ALG5: variants seen among roughly 807,000 people sequenced by gnomAD.
ALG5 encodes the protein ALG5 dolichyl-phosphate beta-glucosyltransferase.
In ALG5, 26 loss-of-function variants were observed where a neutral mutation model predicts 51.8. The observed-to-expected ratio is 0.50, with a 90% CI of 0.37 to 0.70. ALG5 has a LOEUF of 0.70. Among genes scored for constraint, ALG5 ranks in the 30% least tolerant of loss-of-function variants. The probability of loss-of-function intolerance (pLI) is 0.00; values close to 1 mark genes in which losing one functional copy is unlikely to be tolerated. For synonymous variants in ALG5, 141 were observed against 136.1 expected (o/e 1.04, Z -0.25); for missense variants, 311 against 399.3 (o/e 0.78, Z 1.88).
chr13:36,952,617 T>C lies in ALG5; in HGVS notation c.774-18A>G, dbSNP rs754980247. The C allele has an allele frequency of 2.0e-5, 29 of 1,434,726 alleles. No individual in the cohort carries two copies. The highest frequency in any genetic ancestry group is 2.6e-5 in the Non-Finnish European group (28 of 1,061,236). The allele number at this position is 1,434,726 out of a possible 1,614,324, so 88.9% of individuals were successfully genotyped here. On this transcript the variant is annotated intron_variant, in intron 8 of 9. Coordinates refer to ENST00000239891, the MANE Select transcript of ALG5 (RefSeq NM_013338.5). ...CAAATGCCCTAAAATAGAAAATATA[T>C]TGATATTTATTTTTAAAGACAAATA...
chr13:36,972,287 A>G (rs1268042667), intron 6 of ALG5, among the ~76,000 whole-genome samples: 2 of 152,214 alleles, frequency 1.3e-5, no homozygotes, highest in Non-Finnish European at 2.9e-5. Flanking sequence ...TCGTAACTTT[A>G]AATGATATTT....
chr13:36,987,752 C>T (rs2059008480), intron 5 of ALG5, among the ~76,000 whole-genome samples: 1 of 152,102 alleles, frequency 6.6e-6, no homozygotes, highest in Non-Finnish European at 1.5e-5. Context: ...GATCCCAGAC[C>T]CAATGCTATG....
intron 5 of ALG5, 62 bp downstream of exon 5, chr13:36,989,422 G>T: frequency 7.7e-7 from 1 of 1,299,910 alleles, no homozygotes; most frequent in Non-Finnish European, 1.1e-6. Flanking sequence ...ATACAAGTCT[G>T]CAAAAGACAT....
intron 8 of ALG5, among the ~76,000 whole-genome samples, chr13:36,955,686 GAAAAAAAAAAAA>G (rs35130767): frequency 5.5e-5 from 2 of 36,478 alleles, no homozygotes; most frequent in Non-Finnish European, 1.4e-4. Context: ...CAGAGATTGT[GAAAAAAAAAAAA>G]AAAAAAAAAA....
intron 7 of ALG5, among the ~76,000 whole-genome samples, chr13:36,966,002 C>G (rs1433530332): frequency 2.0e-5 from 3 of 152,296 alleles, no homozygotes; most frequent in East Asian, 3.9e-4. Flanking sequence ...CCAGGAGAAA[C>G]AGGTTTGGGG....
intron 8 of ALG5, among the ~76,000 whole-genome samples, chr13:36,962,638 G>A (rs904534467): frequency 6.6e-6 from 1 of 152,076 alleles, no homozygotes; most frequent in Non-Finnish European, 1.5e-5. Context: ...GCCACTAAGT[G>A]AGGTCAATCT....
rs150922330 is a variant in ALG5, at chr13:36,988,796, G to A, written c.447+688C>T. On this transcript the variant is annotated intron_variant, in intron 5 of 9. Coordinates refer to ENST00000239891, the MANE Select transcript of ALG5 (RefSeq NM_013338.5). ...GTGCATGAGGAAGAAGGAGTGAAAC[G>A]GCAGAAGCCTGGACTTCTGATGACT... Among the ~76,000 whole-genome samples the A allele has an allele frequency of 3.9e-5, 6 of 152,286 alleles. 1 individual carries two copies. The highest frequency in any genetic ancestry group is 1.4e-4 in the African/African-American group (6 of 41,554).
At chr13:36,976,447 A>G (rs1033587423) in intron 6 of ALG5, among the ~76,000 whole-genome samples, 2 of 147,848 alleles carry the variant, frequency 1.4e-5, no homozygotes, top group African/African-American at 5.0e-5. Flanking sequence ...AAAAAAAAAA[A>G]AAAGAAAAGA....
chr13:36,960,914 G>A (rs1480053630), intron 8 of ALG5, among the ~76,000 whole-genome samples: 1 of 151,758 alleles, frequency 6.6e-6, no homozygotes, highest in Non-Finnish European at 1.5e-5. Flanking sequence ...CAAAGAGCTA[G>A]GATTATAGGT....
intron 7 of ALG5, 86 bp from the exon 8 acceptor site, chr13:36,965,812 T>G: frequency 9.0e-7 from 1 of 1,111,334 alleles, no homozygotes; most frequent in Non-Finnish European, 1.3e-6. Context: ...CAACTGTATT[T>G]TAATATTTAA....
intron 5 of ALG5, among the ~76,000 whole-genome samples, chr13:36,988,566 C>G (rs779647856): frequency 3.3e-5 from 5 of 152,248 alleles, no homozygotes; most frequent in Non-Finnish European, 7.3e-5. Flanking sequence ...AATCTTGACT[C>G]TACCTCTTAT....
intron 4 of ALG5, 135 bp downstream of exon 4, chr13:36,993,469 G>A (rs2059034506): frequency 5.7e-6 from 4 of 697,752 alleles, no homozygotes; most frequent in Non-Finnish European, 9.8e-6. Flanking sequence ...TGTTTTTTCT[G>A]CTATCTAGAC....
intron 7 of ALG5, among the ~76,000 whole-genome samples, chr13:36,970,396 G>C (rs1177160140): frequency 1.3e-5 from 2 of 149,992 alleles, no homozygotes; most frequent in African/African-American, 4.9e-5. Flanking sequence ...GGCAGATGAT[G>C]AGGTCAGGAG....
chr13:36,964,076 A>G (rs1438220456), intron 8 of ALG5, among the ~76,000 whole-genome samples: 1 of 152,260 alleles, frequency 6.6e-6, no homozygotes, highest in Non-Finnish European at 1.5e-5. Flanking sequence ...TACAAATGTC[A>G]TAGGTGCTAT....
At chr13:36,966,054 T>C (rs575150286) in intron 7 of ALG5, among the ~76,000 whole-genome samples, 1 of 152,344 alleles carries the variant, frequency 6.6e-6, no homozygotes, top group South Asian at 2.1e-4. Context: ...TACTTACATA[T>C]TTTATGCTGC....
rs140485711 is a variant in ALG5 at position 36,966,850 on chromosome 13, T to C, written c.622-1124A>G. On this transcript the variant is annotated intron_variant, in intron 7 of 9. Coordinates refer to ENST00000239891, the MANE Select transcript of ALG5 (RefSeq NM_013338.5). ...GCTTTTGCTTTTCAAAATTATAATT[T>C]TTAGTATCGTTCTTCCTTTGCATGG... Among the ~76,000 whole-genome samples the C allele has an allele frequency of 8.3e-3, 1,260 of 152,296 alleles. 11 individuals carry two copies. Among genetic ancestry groups the C allele is most frequent in the South Asian group, 0.031 (152 of 4,828 alleles).
chr13:36,969,953 C>T (rs184318905), intron 7 of ALG5, among the ~76,000 whole-genome samples: 2 of 151,962 alleles, frequency 1.3e-5, no homozygotes, highest in East Asian at 1.9e-4. Context: ...ATCAGCTTTA[C>T]TGGCTGCACA....
chr13:36,953,245 T>C (rs2058825912), intron 8 of ALG5, among the ~76,000 whole-genome samples: 1 of 152,218 alleles, frequency 6.6e-6, no homozygotes, highest in Admixed American at 6.5e-5. Context: ...ATTGTCTTAC[T>C]TGTCCTAATA....
At chr13:36,970,027 C>T (rs144516203) in intron 7 of ALG5, among the ~76,000 whole-genome samples, 1 of 149,512 alleles carries the variant, frequency 6.7e-6, no homozygotes, top group Non-Finnish European at 1.5e-5. Flanking sequence ...GTTTCTACTA[C>T]AATTTTATAT....
Sources: gnomAD v4.1 joint callset for allele counts (sites outside exome capture counted in the v4.1 genomes callset) on GRCh38, gnomAD v4.1.1 for gene constraint, MANE v1.5 for transcripts, NCBI Gene and HGNC (gene_info 2026-07-23, HGNC 2026-07-21) for gene names.